Variants in NEGR1 observed in about 807,000 individuals in gnomAD.
The protein encoded by NEGR1 is IgLON family member 4.
NEGR1 carries 10 observed loss-of-function variants against 40.9 expected under a neutral mutation model. That is an observed-to-expected ratio of 0.24 (90% CI 0.15 to 0.42). The LOEUF (loss-of-function observed/expected upper bound fraction) is 0.42. Among genes scored for constraint, NEGR1 ranks in the 10% least tolerant of loss-of-function variants. The pLI is 1.00. For synonymous variants in NEGR1, 185 were observed against 166.8 expected, an observed-to-expected ratio of 1.11 and a Z score of -0.84; for missense variants, 352 against 438.9, an observed-to-expected ratio of 0.80 and a Z score of 1.77.
At chr1:72,156,944 G>T (rs1651380467) in intron 1 of NEGR1, among the ~76,000 whole-genome samples, 1 of 100,414 alleles carries the variant, frequency 1.0e-5, no homozygotes, top group African/African-American at 3.4e-5. Context: ...TATGTGTTTT[G>T]TTGTTGTTGT....
chr1:72,244,728 A>G (rs1654851815), intron 1 of NEGR1, among the ~76,000 whole-genome samples: 2 of 152,000 alleles, frequency 1.3e-5, no homozygotes. Context: ...ATATTTGTCA[A>G]TCAATAAATA....
chr1:71,496,884 C>T (rs1646967412), intron 6 of NEGR1, among the ~76,000 whole-genome samples: 1 of 152,102 alleles, frequency 6.6e-6, no homozygotes, highest in South Asian at 2.1e-4. Flanking sequence ...TTCACAAAAC[C>T]CCTTTGTAGC....
At chr1:72,243,231 C>G (rs943907182) in intron 1 of NEGR1, among the ~76,000 whole-genome samples, 9 of 151,648 alleles carry the variant, frequency 5.9e-5, no homozygotes, top group Non-Finnish European at 1.3e-4. Flanking sequence ...CAATTAAAAT[C>G]ACTGAATGTG....
At chr1:72,096,785 C>T (rs893070461) in intron 1 of NEGR1, among the ~76,000 whole-genome samples, 8 of 151,988 alleles carry the variant, frequency 5.3e-5, no homozygotes, top group African/African-American at 9.7e-5. Context: ...CTCAGCCTCC[C>T]GAGTAGCTGG....
intron 1 of NEGR1, among the ~76,000 whole-genome samples, chr1:72,120,883 T>C (rs368635151): frequency 1.3e-5 from 2 of 152,090 alleles, no homozygotes; most frequent in South Asian, 4.1e-4. Context: ...TAAAATAACT[T>C]GCTTTCACAT....
At chr1:72,025,245 A>T (rs1440995528) in intron 1 of NEGR1, among the ~76,000 whole-genome samples, 1 of 152,162 alleles carries the variant, frequency 6.6e-6, no homozygotes, top group African/African-American at 2.4e-5. Context: ...CACAACATTT[A>T]AAAAATAATA....
At position 72,225,128 on chromosome 1, in the gene NEGR1, GT is replaced by G. The variant is rs566182305; in HGVS notation, c.176+57190del. On this transcript the variant is annotated intron_variant, in intron 1 of 6. Coordinates refer to ENST00000357731, the MANE Select transcript of NEGR1 (RefSeq NM_173808.3). ...ATTAATGGAATCAGTGAATGCCCAT[GT>G]TTTTTTTCCAACACATGTAGCTGAG... Among the ~76,000 whole-genome samples, 525 of 151,778 alleles carry G rather than the reference GT, an allele frequency of 3.5e-3. 5 individuals are homozygous for G. Among genetic ancestry groups the G allele is most frequent in the African/African-American group, 0.012 (499 of 41,446 alleles).
intron 1 of NEGR1, among the ~76,000 whole-genome samples, chr1:71,957,485 T>C (rs1646128971): frequency 6.6e-6 from 1 of 152,098 alleles, no homozygotes; most frequent in African/African-American, 2.4e-5. Context: ...TAAAAACCAA[T>C]ATTAGTGACC....
chr1:72,137,238 A>AT (rs1650501401), intron 1 of NEGR1, among the ~76,000 whole-genome samples: 1 of 152,162 alleles, frequency 6.6e-6, no homozygotes, highest in Admixed American at 6.6e-5. Flanking sequence ...CAGCAATCCC[A>AT]TTACTGGGTA....
At chr1:71,814,244 T>G (rs1231548817) in intron 2 of NEGR1, among the ~76,000 whole-genome samples, 1 of 152,084 alleles carries the variant, frequency 6.6e-6, no homozygotes, top group African/African-American at 2.4e-5. Context: ...AACAGCCTTG[T>G]GTCCTGGGGA....
intron 1 of NEGR1, among the ~76,000 whole-genome samples, chr1:72,102,264 T>C (rs893614624): frequency 2.0e-5 from 3 of 152,068 alleles, no homozygotes; most frequent in African/African-American, 7.2e-5. Context: ...ATATAGCTGG[T>C]ATTTTATCCA....
chr1:72,150,386 G>C (rs1044113639), intron 1 of NEGR1, among the ~76,000 whole-genome samples: 3 of 152,088 alleles, frequency 2.0e-5, no homozygotes, highest in African/African-American at 7.2e-5. Flanking sequence ...GGCTACTATA[G>C]AAATTGTTGC....
chr1:71,495,100 A>G (rs1646953096), intron 6 of NEGR1, among the ~76,000 whole-genome samples: 1 of 152,176 alleles, frequency 6.6e-6, no homozygotes, highest in Admixed American at 6.5e-5. Flanking sequence ...TAAAATACAA[A>G]ATATGTTTTA....
At chr1:72,072,183 A>G (rs1057094157) in intron 1 of NEGR1, among the ~76,000 whole-genome samples, 51 of 152,270 alleles carry the variant, frequency 3.3e-4, no homozygotes, top group Non-Finnish European at 3.8e-4. Flanking sequence ...AATTTATTAT[A>G]TCTTTTGTAA....
intron 6 of NEGR1, among the ~76,000 whole-genome samples, chr1:71,437,145 C>A (rs1424287090): frequency 6.6e-6 from 1 of 151,862 alleles, no homozygotes; most frequent in African/African-American, 2.4e-5. Flanking sequence ...ATTATATTTA[C>A]TTGAATATAA....
intron 6 of NEGR1, 167 bp from the exon 7 acceptor site, chr1:71,407,737 C>T: frequency 1.8e-6 from 1 of 570,454 alleles, no homozygotes; most frequent in Non-Finnish European, 3.1e-6. Context: ...GGCTATGTGG[C>T]TAACTTCTCA....
chr1:72,150,879 A>C (rs1651101462), intron 1 of NEGR1, among the ~76,000 whole-genome samples: 1 of 152,062 alleles, frequency 6.6e-6, no homozygotes, highest in African/African-American at 2.4e-5. Context: ...AACAACACAA[A>C]GCTTACATAA....
chr1:72,150,441 G>A (rs1229001069), intron 1 of NEGR1, among the ~76,000 whole-genome samples: 1 of 152,120 alleles, frequency 6.6e-6, no homozygotes, highest in African/African-American at 2.4e-5. Flanking sequence ...AAACTGAAAT[G>A]AATTTGAGGA....
intron 1 of NEGR1, among the ~76,000 whole-genome samples, chr1:72,049,213 C>T (rs6699175): frequency 0.071 from 10,741 of 151,346 alleles, 451 homozygotes; most frequent in Non-Finnish European, 0.11. Flanking sequence ...TAGTGACATA[C>T]GCCTGTGGTC....
Sources: allele counts gnomAD v4.1 joint callset (sites outside exome capture counted in the v4.1 genomes callset), GRCh38; gene constraint gnomAD v4.1.1; transcripts MANE v1.5; gene names NCBI Gene and HGNC (gene_info 2026-07-23, HGNC 2026-07-21).